Variants in GARIN1B observed in about 807,000 individuals in gnomAD.
The protein encoded by GARIN1B is golgi associated RAB2 interactor 1B, also known as Golgi-associated RAB2 interactor protein 1B.
the GARIN1B span, among the ~76,000 whole-genome samples, chr7:128,720,294 G>A: frequency 6.6e-6 from 1 of 151,456 alleles, no homozygotes; most frequent in African/African-American, 2.4e-5. Context: ...CACCTCCTGG[G>A]TTCAAGTGAT....
the GARIN1B span, chr7:128,724,910 T>C: frequency 1.6e-6 from 2 of 1,270,412 alleles, no homozygotes; most frequent in Non-Finnish European, 2.0e-6. Context: ...GCCCAAGTCA[T>C]TGCTCTGACT....
the GARIN1B span, chr7:128,729,932 C>T: frequency 1.2e-6 from 2 of 1,614,208 alleles, no homozygotes; most frequent in Non-Finnish European, 1.7e-6. Context: ...GACAGCATCC[C>T]TTGCACCTGT....
chr7:128,716,162 T>A, the GARIN1B span, among the ~76,000 whole-genome samples: 2 of 152,084 alleles, frequency 1.3e-5, no homozygotes, highest in South Asian at 4.1e-4. Flanking sequence ...CCCTTGATTG[T>A]AAAAGGGTTG....
the GARIN1B span, among the ~76,000 whole-genome samples, chr7:128,719,980 G>A: frequency 2.6e-5 from 4 of 151,936 alleles, no homozygotes; most frequent in Admixed American, 2.0e-4. Context: ...GGTTACAGGC[G>A]TGAGGCACTG....
the GARIN1B span, chr7:128,716,982 A>G: frequency 1.2e-6 from 2 of 1,610,882 alleles, no homozygotes; most frequent in South Asian, 1.1e-5. Context: ...ATAGCCCCCA[A>G]CATCTTCCTG....
chr7:128,725,591 C>T, the GARIN1B span, among the ~76,000 whole-genome samples: 8 of 152,264 alleles, frequency 5.3e-5, no homozygotes, highest in East Asian at 1.5e-3. Context: ...AGGCTGGTCT[C>T]AAACTCCTGG....
chr7:128,720,420 G>A, the GARIN1B span, among the ~76,000 whole-genome samples: 4 of 151,860 alleles, frequency 2.6e-5, no homozygotes, highest in South Asian at 2.1e-4. Context: ...GGCTAGTCTC[G>A]AACTCCTGAC....
chr7:128,721,260 G>C, the GARIN1B span, among the ~76,000 whole-genome samples: 1 of 152,112 alleles, frequency 6.6e-6, no homozygotes, highest in South Asian at 2.1e-4. Flanking sequence ...AGTGCTGGGA[G>C]CCACATGCTT....
chr7:128,729,586 A>C, the GARIN1B span, among the ~76,000 whole-genome samples: 1 of 152,176 alleles, frequency 6.6e-6, no homozygotes, highest in Admixed American at 6.5e-5. Flanking sequence ...AAATCCACTC[A>C]GTTAACCCAT....
the GARIN1B span, among the ~76,000 whole-genome samples, chr7:128,709,751 T>TGTC: frequency 0.022 from 20 of 924 alleles, 3 homozygotes; most frequent in Non-Finnish European, 0.025. Context: ...TCTCTCTCTC[T>TGTC]TTTTTTTTTT....
chr7:128,730,752 T>G, the GARIN1B span, among the ~76,000 whole-genome samples: 1 of 152,056 alleles, frequency 6.6e-6, no homozygotes, highest in Non-Finnish European at 1.5e-5. Context: ...GTTCAAGTGA[T>G]CCTCCTGCCT....
At chr7:128,723,426 T>C in the GARIN1B span, 1 of 1,392,034 alleles carries the variant, frequency 7.2e-7, no homozygotes, top group Non-Finnish European at 9.8e-7. Flanking sequence ...CGCAGGGTTT[T>C]ACGTGACCAG....
the GARIN1B span, chr7:128,715,406 G>A: frequency 9.4e-5 from 151 of 1,603,872 alleles, no homozygotes; most frequent in Non-Finnish European, 1.2e-4. Flanking sequence ...GAGATCCCAG[G>A]ACAAATGTGC....
chr7:128,717,066 C>A, the GARIN1B span: 1 of 1,378,038 alleles, frequency 7.3e-7, no homozygotes, highest in Non-Finnish European at 9.9e-7. Context: ...GGTTGCTTGA[C>A]TACTAAACTC....
Sources: allele counts gnomAD v4.1 joint callset (sites outside exome capture counted in the v4.1 genomes callset), GRCh38; gene constraint gnomAD v4.1.1; transcripts MANE v1.5; gene names NCBI Gene and HGNC (gene_info 2026-07-23, HGNC 2026-07-21).